The following RGS13 variants were observed in gnomAD, a reference collection of about 807,000 sequenced individuals.
RGS13 encodes the protein regulator of G protein signaling 13, also known as regulator of G-protein signalling 13.
Under a neutral mutation model 19.9 loss-of-function variants are expected in RGS13, and 14 were observed. That is an observed-to-expected ratio of 0.70 (90% CI 0.46 to 1.10). The LOEUF (loss-of-function observed/expected upper bound fraction) is 1.10. Among genes scored for constraint, RGS13 ranks in the 50% least tolerant of loss-of-function variants. RGS13 has a pLI of 0.00. For missense variants in RGS13, 205 were observed against 187.1 expected (o/e 1.10, Z -0.56); for synonymous variants, 60 against 56.8 (o/e 1.06, Z -0.25).
At chr1:192,641,016 A>G (rs1663094474) in intron 3 of RGS13, among the ~76,000 whole-genome samples, 1 of 151,910 alleles carries the variant, frequency 6.6e-6, no homozygotes, top group East Asian at 1.9e-4. Flanking sequence ...AGAGACATGC[A>G]GGCCAGAATC....
At chr1:192,644,292 A>C (rs779910936) in intron 3 of RGS13, 39 bp from the exon 4 acceptor site, 2 of 1,379,676 alleles carry the variant, frequency 1.4e-6, no homozygotes, top group Admixed American at 1.9e-5. Context: ...AATTATTTTA[A>C]ATGATTAAAT....
intron 6 of RGS13, 36 bp downstream of exon 6, chr1:192,658,403 T>A: frequency 6.3e-7 from 1 of 1,586,142 alleles, no homozygotes; most frequent in Non-Finnish European, 8.6e-7. Context: ...GGAAATCAGT[T>A]CATCCCTGCA....
rs367923645 is a variant in RGS13 at position 192,642,112 on chromosome 1, C to T, written c.-4-2219C>T. Among the ~76,000 whole-genome samples, 44 of 152,272 alleles carry T rather than the reference C, an allele frequency of 2.9e-4. No individual in the cohort carries two copies. In the East Asian group the frequency reaches 8.1e-3, roughly 28 times the overall value. On this transcript the variant is annotated intron_variant, in intron 3 of 6. Coordinates refer to ENST00000391995, the MANE Select transcript of RGS13 (RefSeq NM_002927.5). The stretch of plus-strand genomic sequence containing the variant: ...TGTCTATTCTGAATTTTAAATCCTG[C>T]AATGATTTCCCAGCTTCTTACTGTG...
Position 192,658,186 on chromosome 1 carries a change from C to T in RGS13, c.128-15C>T. ...TTGACCCATGAAAATAAACTGATTT[C>T]TCCTCTACTTTTAGATGGTCCAGTA... On this transcript the variant is annotated splice_polypyrimidine_tract_variant and intron_variant, in intron 5 of 6. Coordinates refer to ENST00000391995, the MANE Select transcript of RGS13 (RefSeq NM_002927.5). 1 of 1,576,482 alleles carries T rather than the reference C, an allele frequency of 6.3e-7. No individual in the cohort carries two copies. Among genetic ancestry groups the T allele is most frequent in the Non-Finnish European group, 8.6e-7 (1 of 1,161,518 alleles).
At chr1:192,652,592 C>T (rs1663362217) in intron 5 of RGS13, among the ~76,000 whole-genome samples, 1 of 151,446 alleles carries the variant, frequency 6.6e-6, no homozygotes, top group South Asian at 2.1e-4. Context: ...CATCACTGTC[C>T]AATTAGTACA....
intron 5 of RGS13, among the ~76,000 whole-genome samples, chr1:192,650,836 T>A (rs74130412): frequency 0.021 from 3,182 of 152,182 alleles, 83 homozygotes; most frequent in African/African-American, 0.067. Flanking sequence ...ATTTTTTTTA[T>A]ATATTTAAAT....
At chr1:192,656,692 T>C (rs1335443841) in intron 5 of RGS13, among the ~76,000 whole-genome samples, 1 of 152,082 alleles carries the variant, frequency 6.6e-6, no homozygotes, top group African/African-American at 2.4e-5. Flanking sequence ...GAAGGCTGCA[T>C]TTGCTCACGT....
chr1:192,644,719 C>A, intron 4 of RGS13: 1 of 195,362 alleles, frequency 5.1e-6, no homozygotes, highest in South Asian at 1.4e-4. Flanking sequence ...TTGGTTCCAA[C>A]CCTCCACATA....
chr1:192,648,071 T>C (rs1368002567), intron 5 of RGS13, 84 bp downstream of exon 5: 2 of 884,898 alleles, frequency 2.3e-6, no homozygotes, highest in Non-Finnish European at 3.5e-6. Context: ...ATGATGAATG[T>C]ATGCTATTCT....
rs1663181166 is a variant in RGS13 at position 192,644,460 on chromosome 1, T to A, written c.65+61T>A. The A allele has an allele frequency of 4.9e-6, 6 of 1,213,104 alleles. No individual in the cohort carries two copies. In the East Asian group the frequency reaches 1.4e-4, roughly 29 times the overall value. The allele number at this position is 1,213,104 out of a possible 1,614,324, so 75.1% of individuals were successfully genotyped here. On this transcript the variant is annotated intron_variant, in intron 4 of 6. Coordinates refer to ENST00000391995, the MANE Select transcript of RGS13 (RefSeq NM_002927.5). ...GCATATTTATCAGATGATAAATAGG[T>A]ACATATTTATTAAACTGCTATTGTA...
At chr1:192,653,325 C>A (rs917225327) in intron 5 of RGS13, among the ~76,000 whole-genome samples, 6 of 151,976 alleles carry the variant, frequency 3.9e-5, no homozygotes, top group African/African-American at 1.2e-4. Flanking sequence ...CTGACTTCAC[C>A]CCATTAGATT....
intron 4 of RGS13, chr1:192,644,633 A>G (rs1232874843): frequency 2.4e-6 from 1 of 422,572 alleles, no homozygotes; most frequent in East Asian, 3.9e-5. Flanking sequence ...ATCTATTATG[A>G]ATAGTCTCTG....
rs771323101 is a variant in RGS13, at chr1:192,641,254, A to AAAAGAAAGAAAGAAAGAAAG, written c.-4-3041_-4-3022dup. Among the ~76,000 whole-genome samples, 19 of 67,468 alleles carry AAAAGAAAGAAAGAAAGAAAG rather than the reference A, an allele frequency of 2.8e-4. 1 individual carries two copies. Among genetic ancestry groups the AAAAGAAAGAAAGAAAGAAAG allele is most frequent in the East Asian group, 6.1e-4 (1 of 1,632 alleles). The allele number at this position is 67,468 out of a possible 152,430, so 44.3% of individuals were successfully genotyped here. ...AAAGAAAGAAAGAAAGAAAAGAAAG[A>AAAAGAAAGAAAGAAAGAAAG]AAAGAAAGAAAGAAAGAAAGAAAGA... On this transcript the variant is annotated intron_variant, in intron 3 of 6. Coordinates refer to ENST00000391995, the MANE Select transcript of RGS13 (RefSeq NM_002927.5).
At chr1:192,652,691 A>G (rs1056115175) in intron 5 of RGS13, among the ~76,000 whole-genome samples, 3 of 152,050 alleles carry the variant, frequency 2.0e-5, no homozygotes, top group African/African-American at 7.2e-5. Context: ...TAGATGTTCA[A>G]TAACTAAGGT....
intron 6 of RGS13, 162 bp from the exon 7 acceptor site, chr1:192,659,176 T>C: frequency 2.1e-6 from 1 of 475,620 alleles, no homozygotes; most frequent in Non-Finnish European, 3.7e-6. Context: ...AAGAGCAAAA[T>C]GTTTATTTTT....
chr1:192,648,806 G>T (rs982522072), intron 5 of RGS13, among the ~76,000 whole-genome samples: 3 of 152,082 alleles, frequency 2.0e-5, no homozygotes, highest in African/African-American at 7.2e-5. Context: ...ATGAAGGAGA[G>T]TTGGCTGTGC....
chr1:192,658,651 GA>G, intron 6 of RGS13: 3 of 287,870 alleles, frequency 1.0e-5, no homozygotes, highest in Non-Finnish European at 1.9e-5. Context: ...AACTTAAAAA[GA>G]AAAAAAGGAG....
chr1:192,645,906 C>G (rs910794485), intron 4 of RGS13: 1 of 152,160 alleles, frequency 6.6e-6, no homozygotes, highest in African/African-American at 2.4e-5. Context: ...TAATTTTAAG[C>G]TAACCCAACA....
intron 3 of RGS13, among the ~76,000 whole-genome samples, chr1:192,640,460 C>A (rs1207544199): frequency 6.6e-6 from 1 of 152,128 alleles, no homozygotes; most frequent in Non-Finnish European, 1.5e-5. Context: ...CTTCTACTAA[C>A]AAAATAAAGT....
Sources: allele counts gnomAD v4.1 joint callset (sites outside exome capture counted in the v4.1 genomes callset), GRCh38; gene constraint gnomAD v4.1.1; transcripts MANE v1.5; gene names NCBI Gene and HGNC (gene_info 2026-07-23, HGNC 2026-07-21).